MRPS21: variants seen among roughly 807,000 people sequenced by gnomAD.
MRPS21 encodes small ribosomal subunit protein bS21m.
A neutral mutation model predicts 9.9 loss-of-function variants in MRPS21; 8 were observed. The ratio of observed to expected loss-of-function variants is 0.81; its 90% CI spans 0.47 to 1.45. The LOEUF is 1.45. Among genes scored for constraint, MRPS21 ranks in the 40% most tolerant of loss-of-function variants. MRPS21 has a pLI of 0.00. For synonymous variants in MRPS21, 40 were observed against 40.3 expected (o/e 0.99, Z 0.03); for missense variants, 101 against 118.9 (o/e 0.85, Z 0.70).
chr1:150,305,350 T>G (rs1268110541), intron 2 of MRPS21, among the ~76,000 whole-genome samples: 6 of 152,106 alleles, frequency 3.9e-5, no homozygotes, highest in Non-Finnish European at 8.8e-5. Flanking sequence ...GCAATCCCTG[T>G]TTTAACAAGC....
At chr1:150,294,896 C>A (rs149716299) in intron 2 of MRPS21, among the ~76,000 whole-genome samples, 86 of 136,330 alleles carry the variant, frequency 6.3e-4, no homozygotes, top group African/African-American at 1.0e-3. Flanking sequence ...GACTCTATCT[C>A]AAAAAAAAAG....
At chr1:150,303,823 T>G (rs587693385) in intron 2 of MRPS21, 106 of 451,008 alleles carry the variant, frequency 2.4e-4, no homozygotes, top group South Asian at 1.6e-3. Flanking sequence ...CTGTATATAT[T>G]GTAAGGTCAC....
chr1:150,294,284 A>T, intron 1 of MRPS21, 51 bp from the exon 2 acceptor site: 2 of 1,268,758 alleles, frequency 1.6e-6, no homozygotes, highest in Non-Finnish European at 2.3e-6. Context: ...AGTTTGTATT[A>T]TGTTGCGTTT....
intron 2 of MRPS21, among the ~76,000 whole-genome samples, chr1:150,296,464 A>G (rs2101903025): frequency 6.6e-6 from 1 of 152,336 alleles, no homozygotes; most frequent in Non-Finnish European, 1.5e-5. Flanking sequence ...CCAGAGGCTG[A>G]GGCAAGAGGA....
At chr1:150,302,563 C>T (rs1351872822) in intron 2 of MRPS21, among the ~76,000 whole-genome samples, 1 of 152,174 alleles carries the variant, frequency 6.6e-6, no homozygotes, top group Non-Finnish European at 1.5e-5. Flanking sequence ...CTCCAGGCAG[C>T]TTGGCTCCTT....
chr1:150,307,034 C>A (rs186346476), intron 2 of MRPS21, among the ~76,000 whole-genome samples: 1 of 121,274 alleles, frequency 8.2e-6, no homozygotes, highest in Non-Finnish European at 1.6e-5. Context: ...TAATTAATTG[C>A]TTTTTTATTT....
chr1:150,297,890 AT>A (rs2101904399), intron 2 of MRPS21, among the ~76,000 whole-genome samples: 1 of 151,380 alleles, frequency 6.6e-6, no homozygotes, highest in Non-Finnish European at 1.5e-5. Flanking sequence ...ATTATGTCTA[AT>A]GACCTTTCTC....
intron 2 of MRPS21, chr1:150,304,887 C>T: frequency 3.7e-6 from 1 of 271,126 alleles, no homozygotes; most frequent in South Asian, 2.9e-5. Flanking sequence ...CTTATGTCTA[C>T]TAAAAATAAC....
chr1:150,294,513 C>A, intron 2 of MRPS21, 64 bp downstream of exon 2: 1 of 1,360,158 alleles, frequency 7.4e-7, no homozygotes, highest in Non-Finnish European at 1.0e-6. Flanking sequence ...TATTCTCTCC[C>A]TTCCCCTTTC....
chr1:150,296,021 G>A (rs984211341), intron 2 of MRPS21, among the ~76,000 whole-genome samples: 1 of 150,216 alleles, frequency 6.7e-6, no homozygotes, highest in Non-Finnish European at 1.5e-5. Flanking sequence ...GTGCAGTCTC[G>A]GCTCACTGCA....
At chr1:150,307,908 C>A in intron 2 of MRPS21, 140 bp from the exon 3 acceptor site, 1 of 766,034 alleles carries the variant, frequency 1.3e-6, no homozygotes, top group Non-Finnish European at 2.0e-6. Flanking sequence ...TGTAAGTAGG[C>A]AGTTAATGCT....
chr1:150,294,510 T>G, intron 2 of MRPS21, 61 bp downstream of exon 2: 199 of 1,359,150 alleles, frequency 1.5e-4, no homozygotes, highest in Non-Finnish European at 1.9e-4. Flanking sequence ...GGTTATTCTC[T>G]CCCTTCCCCT....
At chr1:150,304,215 G>T in intron 2 of MRPS21, 1 of 322,424 alleles carries the variant, frequency 3.1e-6, no homozygotes, top group South Asian at 2.5e-5. Flanking sequence ...GGAGGCTGAG[G>T]CGGGAGAATT....
intron 2 of MRPS21, among the ~76,000 whole-genome samples, chr1:150,302,866 G>T (rs1328497961): frequency 5.9e-5 from 9 of 152,172 alleles, no homozygotes; most frequent in African/African-American, 1.9e-4. Flanking sequence ...AGTATGACTA[G>T]AACGTGTCGG....
intron 2 of MRPS21, among the ~76,000 whole-genome samples, chr1:150,299,168 A>G (rs587630086): frequency 6.4e-4 from 97 of 152,142 alleles, no homozygotes; most frequent in Middle Eastern, 3.4e-3. Context: ...GTGATGCCCC[A>G]TATCATATAT....
chr1:150,294,843 A>C, intron 2 of MRPS21, among the ~76,000 whole-genome samples: 1 of 148,642 alleles, frequency 6.7e-6, no homozygotes, highest in Non-Finnish European at 1.5e-5. Context: ...GGTTGTAGTG[A>C]GCCAAGATCG....
intron 2 of MRPS21, among the ~76,000 whole-genome samples, chr1:150,296,758 A>AT (rs35035584): frequency 0.43 from 59,739 of 137,344 alleles, 13,233 homozygotes; most frequent in East Asian, 0.76. Context: ...TTTAATAATT[A>AT]TTACTAGTCT....
At chr1:150,301,698 C>G (rs1471755981) in intron 2 of MRPS21, among the ~76,000 whole-genome samples, 2 of 151,580 alleles carry the variant, frequency 1.3e-5, no homozygotes, top group African/African-American at 4.8e-5. Flanking sequence ...CTCTGTCTCC[C>G]GGGTTCAAGT....
intron 2 of MRPS21, among the ~76,000 whole-genome samples, chr1:150,307,187 A>G (rs1459978584): frequency 6.6e-6 from 1 of 151,146 alleles, no homozygotes; most frequent in Non-Finnish European, 1.5e-5. Flanking sequence ...GGGAGGGACT[A>G]TAGGCGCCCG....
Sources: allele counts gnomAD v4.1 joint callset (sites outside exome capture counted in the v4.1 genomes callset), GRCh38; gene constraint gnomAD v4.1.1; transcripts MANE v1.5; gene names NCBI Gene and HGNC (gene_info 2026-07-23, HGNC 2026-07-21).